Variants in EYS observed in about 807,000 individuals in gnomAD.
EYS encodes protein eyes shut homolog.
A neutral mutation model predicts 282.1 loss-of-function variants in EYS; 250 were observed. That is an observed-to-expected ratio of 0.89 (90% CI 0.80 to 0.98). The LOEUF is 0.98. Ranked by LOEUF, EYS falls within the 50% of genes least tolerant of loss-of-function variation. The pLI is 0.00. For missense variants in EYS, 4,016 were observed against 3,709.0 expected (o/e 1.08, Z -2.15); for synonymous variants, 1,355 against 1,282.9 (o/e 1.06, Z -1.20).
At chr6:65,230,329 C>T (rs986898038) in intron 12 of EYS, among the ~76,000 whole-genome samples, 1 of 150,656 alleles carries the variant, frequency 6.6e-6, no homozygotes, top group Non-Finnish European at 1.5e-5. Context: ...AAATAATTGG[C>T]GAATAGCAGA....
At chr6:65,493,282 G>A (rs547403317) in intron 4 of EYS, among the ~76,000 whole-genome samples, 6 of 152,192 alleles carry the variant, frequency 3.9e-5, no homozygotes, top group Middle Eastern at 3.4e-3. Flanking sequence ...CAGGCACAGG[G>A]GAGAAGGAAT....
At chr6:64,717,377 C>A (rs1420594859) in intron 22 of EYS, among the ~76,000 whole-genome samples, 2 of 152,186 alleles carry the variant, frequency 1.3e-5, no homozygotes, top group African/African-American at 4.8e-5. Flanking sequence ...TCAGCTCCAC[C>A]TTAGATCATC....
chr6:65,285,548 C>T (rs1480278878), intron 12 of EYS, among the ~76,000 whole-genome samples: 2 of 151,952 alleles, frequency 1.3e-5, no homozygotes, highest in Non-Finnish European at 2.9e-5. Context: ...AAAAGCCATG[C>T]TATCTTCTAT....
intron 12 of EYS, among the ~76,000 whole-genome samples, chr6:65,092,900 CA>C (rs1774616948): frequency 6.6e-6 from 1 of 152,072 alleles, no homozygotes; most frequent in Non-Finnish European, 1.5e-5. Flanking sequence ...GAGAAAAAGG[CA>C]GAAAGCTTAT....
At chr6:65,596,522 A>G (rs985502184) in intron 2 of EYS, among the ~76,000 whole-genome samples, 4 of 152,092 alleles carry the variant, frequency 2.6e-5, no homozygotes, top group African/African-American at 9.7e-5. Flanking sequence ...AATGTGACCA[A>G]TATGAATCCT....
intron 32 of EYS, among the ~76,000 whole-genome samples, chr6:64,080,092 A>C (rs1040195603): frequency 1.3e-5 from 2 of 152,182 alleles, no homozygotes; most frequent in African/African-American, 4.8e-5. Context: ...CAGTAATGGG[A>C]TGGCTGGGTC....
chr6:64,305,662 G>A lies in EYS; in HGVS notation c.6191+1308C>T, dbSNP rs187647900. ...CTGGTCTTGTGAACATATGGTGTTGGAGAAACTGGATATCCACATACAACA... is the reference window on the plus strand; with the variant it reads ...CTGGTCTTGTGAACATATGGTGTTGAAGAAACTGGATATCCACATACAACA... On this transcript the variant is annotated intron_variant, in intron 30 of 42. Transcript: ENST00000503581. 3.9e-5 allele frequency among the ~76,000 whole-genome samples: 6 copies of A among 152,244 alleles called. No individual in the cohort carries two copies. In the East Asian group the frequency reaches 1.2e-3, roughly 29 times the overall value.
At chr6:65,269,079 T>A (rs1043218741) in intron 12 of EYS, among the ~76,000 whole-genome samples, 2 of 152,182 alleles carry the variant, frequency 1.3e-5, no homozygotes. Flanking sequence ...CCTGATCATT[T>A]TTTCTTGACT....
At chr6:64,655,939 G>T (rs1232712289) in intron 22 of EYS, among the ~76,000 whole-genome samples, 1 of 152,000 alleles carries the variant, frequency 6.6e-6, no homozygotes, top group Non-Finnish European at 1.5e-5. Flanking sequence ...TTTATAATAT[G>T]TCTTCTTTTT....
At chr6:65,222,516 A>T (rs949540064) in intron 12 of EYS, among the ~76,000 whole-genome samples, 9 of 152,306 alleles carry the variant, frequency 5.9e-5, no homozygotes, top group African/African-American at 2.2e-4. Flanking sequence ...GAGTCCATTA[A>T]ACCTCTTTCC....
intron 31 of EYS, among the ~76,000 whole-genome samples, chr6:64,105,899 G>A (rs1347670151): frequency 6.6e-6 from 1 of 152,106 alleles, no homozygotes; most frequent in Non-Finnish European, 1.5e-5. Context: ...TGTTAGCATG[G>A]CATATCTGTC....
At chr6:64,566,726 C>T (rs1765577058) in intron 26 of EYS, among the ~76,000 whole-genome samples, 1 of 151,958 alleles carries the variant, frequency 6.6e-6, no homozygotes, top group African/African-American at 2.4e-5. Context: ...AGGGAAATTA[C>T]AAAGCATTTG....
intron 40 of EYS, among the ~76,000 whole-genome samples, chr6:63,776,633 TAATC>T (rs1386832996): frequency 2.0e-5 from 3 of 152,234 alleles, no homozygotes; most frequent in African/African-American, 4.8e-5. Flanking sequence ...ATTTCTATAT[TAATC>T]AAAATAATCT....
chr6:65,570,790 T>C (rs1764449502), intron 2 of EYS, among the ~76,000 whole-genome samples: 2 of 152,206 alleles, frequency 1.3e-5, no homozygotes, highest in African/African-American at 4.8e-5. Flanking sequence ...TTGTTTGGAC[T>C]GCTTCTGGAA....
intron 22 of EYS, among the ~76,000 whole-genome samples, chr6:64,626,598 T>C (rs1767617823): frequency 6.6e-6 from 1 of 152,102 alleles, no homozygotes; most frequent in South Asian, 2.1e-4. Flanking sequence ...CACGTGAACA[T>C]GCACATAAAG....
intron 33 of EYS, among the ~76,000 whole-genome samples, chr6:64,028,760 T>A (rs528683867): frequency 2.6e-5 from 4 of 152,342 alleles, no homozygotes; most frequent in African/African-American, 9.6e-5. Context: ...AATATGTGGA[T>A]GATTTACTTC....
intron 8 of EYS, among the ~76,000 whole-genome samples, chr6:65,357,411 T>TC (rs1267473482): frequency 2.0e-5 from 3 of 151,972 alleles, no homozygotes; most frequent in Admixed American, 6.6e-5. Flanking sequence ...TTCTTAAGCT[T>TC]CAAGTGATGC....
At chr6:63,750,905 A>G (rs1424570884) in intron 41 of EYS, among the ~76,000 whole-genome samples, 4 of 152,138 alleles carry the variant, frequency 2.6e-5, no homozygotes, top group Non-Finnish European at 4.4e-5. Context: ...TTCCTAGTCT[A>G]TCTATGCTGA....
chr6:65,668,761 A>T (rs1768282669), intron 1 of EYS, among the ~76,000 whole-genome samples: 2 of 151,950 alleles, frequency 1.3e-5, no homozygotes, highest in South Asian at 4.1e-4. Flanking sequence ...GCAAACAGAC[A>T]CTACTTTGTT....
Sources: gnomAD v4.1 joint callset for allele counts (sites outside exome capture counted in the v4.1 genomes callset) on GRCh38, gnomAD v4.1.1 for gene constraint, MANE v1.5 for transcripts, NCBI Gene and HGNC (gene_info 2026-07-23, HGNC 2026-07-21) for gene names.